Variants in PHACTR2 observed in about 807,000 individuals in gnomAD.
The protein encoded by PHACTR2 is phosphatase and actin regulator 2.
A neutral mutation model predicts 76.0 loss-of-function variants in PHACTR2; 30 were observed. That is an observed-to-expected ratio of 0.39 (90% CI 0.30 to 0.54). The LOEUF is 0.54. Among genes scored for constraint, PHACTR2 ranks in the 20% least tolerant of loss-of-function variants. The probability of loss-of-function intolerance (pLI) is 0.61; values close to 1 mark genes in which losing one functional copy is unlikely to be tolerated. For synonymous variants in PHACTR2, 292 were observed against 292.5 expected (o/e 1.00, Z 0.02); for missense variants, 696 against 781.1 (o/e 0.89, Z 1.30).
intron 1 of PHACTR2, among the ~76,000 whole-genome samples, chr6:143,560,056 G>A (rs1035082906): frequency 1.3e-5 from 2 of 152,078 alleles, no homozygotes; most frequent in Non-Finnish European, 2.9e-5. Context: ...GGGGTTATGA[G>A]GATTGTTATG....
rs1273854504 is a variant in PHACTR2, at chr6:143,595,143, G to A, written c.217+57936G>A. Reference sequence around the variant, plus strand: ...TTTAGACACCTTCATAAGGTGTGACGCATTTGATGCAAAATATAGATGGAC... The same window carrying A: ...TTTAGACACCTTCATAAGGTGTGACACATTTGATGCAAAATATAGATGGAC... On this transcript the variant is annotated intron_variant, in intron 1 of 11. Coordinates refer to the PHACTR2 transcript ENST00000367584. The surrounding 1 kb of genome is among the most constrained non-coding windows in gnomAD (Gnocchi z 4.2). Among the ~76,000 whole-genome samples, 9 of 152,128 alleles carry A rather than the reference G, an allele frequency of 5.9e-5. No homozygotes were observed. The highest frequency in any genetic ancestry group is 1.9e-4 in the African/African-American group (8 of 41,416).
rs6920187 is a variant in PHACTR2, at chr6:143,791,928, A to G, written c.1845+3018A>G. ...GCTGATGGCTTCAAATTTTCAGGGTACATTTCATCACTCCCTGCCTATCCC... is the reference window on the plus strand; with the variant it reads ...GCTGATGGCTTCAAATTTTCAGGGTGCATTTCATCACTCCCTGCCTATCCC... On this transcript the variant is annotated intron_variant, in intron 11 of 12. Transcript: ENST00000440869. The surrounding 1 kb of genome is among the most constrained non-coding windows in gnomAD (Gnocchi z 4.7). Among the ~76,000 whole-genome samples, 327 of 152,318 alleles carry G rather than the reference A, an allele frequency of 2.1e-3. 2 individuals carry two copies. Among genetic ancestry groups the G allele is most frequent in the African/African-American group, 7.4e-3 (307 of 41,586 alleles).
chr6:143,762,501 A>C (rs926329898), intron 5 of PHACTR2, among the ~76,000 whole-genome samples: 1 of 152,234 alleles, frequency 6.6e-6, no homozygotes, highest in Admixed American at 6.5e-5. Context: ...ACTTAAGTAC[A>C]CCAACAAGCC....
chr6:143,564,111 G>A (rs1775322601), intron 1 of PHACTR2, among the ~76,000 whole-genome samples: 2 of 148,800 alleles, frequency 1.3e-5, no homozygotes, highest in African/African-American at 2.5e-5. Flanking sequence ...TTAGAAAATT[G>A]TTAAACTGTT....
At chr6:143,815,994 C>G (rs913637615) in intron 12 of PHACTR2, among the ~76,000 whole-genome samples, 6 of 151,878 alleles carry the variant, frequency 4.0e-5, no homozygotes, top group Admixed American at 3.3e-4. Flanking sequence ...TATCTGAATT[C>G]CATAACTTAA....
rs553507867 is a variant in PHACTR2 at position 143,592,048 on chromosome 6, C to T, written c.217+54841C>T. Among the ~76,000 whole-genome samples, 4 of 152,188 alleles carry T rather than the reference C, an allele frequency of 2.6e-5. No homozygotes were observed. The highest frequency in any genetic ancestry group is 5.9e-5 in the Non-Finnish European group (4 of 68,032). On this transcript the variant is annotated intron_variant, in intron 1 of 11. Transcript: ENST00000367584. The surrounding 1 kb of genome is among the most constrained non-coding windows in gnomAD (Gnocchi z 4.0). The stretch of plus-strand genomic sequence containing the variant: ...TATGAGAGGTGCATGCAGACTCTGA[C>T]ACAATGGGACAGACCTGGTGGTGCT...
At chr6:143,717,936 C>A (rs1409593255) in intron 2 of PHACTR2, among the ~76,000 whole-genome samples, 2 of 152,018 alleles carry the variant, frequency 1.3e-5, no homozygotes, top group Non-Finnish European at 2.9e-5. Flanking sequence ...AAAATACTAA[C>A]AAAACATGTA....
rs1775661505 is a variant in PHACTR2, at chr6:143,589,241, G to T, written c.217+52034G>T. ...TGTCCAGTTGTAATCTCCAGTGTTG[G>T]AGGAGGGGTCTGGTGGGAGGTGATT... On this transcript the variant is annotated intron_variant, in intron 1 of 11. Coordinates refer to the PHACTR2 transcript ENST00000367584. This position sits in a 1 kb window ranked among gnomAD's most constrained non-coding sequence, Gnocchi z 4.4. 6.6e-6 allele frequency among the ~76,000 whole-genome samples: 1 copy of T among 152,208 alleles called. No individual in the cohort carries two copies. The highest frequency in any genetic ancestry group is 1.5e-5 in the Non-Finnish European group (1 of 68,038).
intron 2 of PHACTR2, among the ~76,000 whole-genome samples, chr6:143,726,067 T>C (rs1778562192): frequency 6.6e-6 from 1 of 152,254 alleles, no homozygotes; most frequent in South Asian, 2.1e-4. Flanking sequence ...ATAAACATTC[T>C]TGTGTACATT....
In PHACTR2 at chr6:143,743,980, C is replaced by T. The variant is rs1375399101; in HGVS notation, c.215-5005C>T. On this transcript the variant is annotated intron_variant, in intron 2 of 12. Coordinates refer to ENST00000440869, the MANE Select transcript of PHACTR2 (RefSeq NM_001100164.2). The surrounding 1 kb of genome is among the most constrained non-coding windows in gnomAD (Gnocchi z 5.0). ...AAAAAGCCAGCGGCATATGCTCCAG[C>T]CTCTTTTCCTGAGTGCAGCTCCACA... 2.0e-5 allele frequency among the ~76,000 whole-genome samples: 3 copies of T among 152,202 alleles called. No individual in the cohort carries two copies. Among genetic ancestry groups the T allele is most frequent in the African/African-American group, 7.2e-5 (3 of 41,434 alleles).
rs938581733 is a variant in PHACTR2, at chr6:143,754,182, T to A, written c.454+270T>A. 1.4e-5 allele frequency: 3 copies of A among 216,640 alleles called. No individual in the cohort carries two copies. The highest frequency in any genetic ancestry group is 6.9e-5 in the African/African-American group (3 of 43,534). The allele number at this position is 216,640 out of a possible 1,614,324, so 13.4% of individuals were successfully genotyped here. A position where few individuals can be genotyped will look rare whatever the true frequency, so the allele number is the denominator to read the frequency against. ...TCAGAAGGGGTGGCCTCTTTAATCA[T>A]TAGAGATGTCTGGGAAGATTATCCT... On this transcript the variant is annotated intron_variant, in intron 4 of 12. Transcript: ENST00000440869. The surrounding 1 kb of genome is among the most constrained non-coding windows in gnomAD (Gnocchi z 6.2).
Position 143,772,394 on chromosome 6 carries a change from G to T in PHACTR2, c.1369G>T (p.Asp457Tyr). Residue 457 changes from aspartate to tyrosine, a missense_variant, in exon 7 of 13, where the codon GAC (aspartate) becomes TAC (tyrosine). Physicochemically the swap from Asp to Tyr is radical, Grantham distance 160. Coordinates refer to ENST00000440869, the MANE Select transcript of PHACTR2 (RefSeq NM_001100164.2). This position sits in a 1 kb window ranked among gnomAD's most constrained non-coding sequence, Gnocchi z 5.4. ...REYQANDSDS[D>Y]GPILYTDDED... ...ATACCAAGCCAATGACTCTGACTCG[G>T]ACGGGCCTATCTTGTACACCGATGA... The T allele has an allele frequency of 1.9e-6, 3 of 1,614,182 alleles. No homozygotes were observed. Among genetic ancestry groups the T allele is most frequent in the Non-Finnish European group, 2.5e-6 (3 of 1,180,014 alleles).
intron 1 of PHACTR2, among the ~76,000 whole-genome samples, chr6:143,701,620 G>T (rs1211018108): frequency 6.6e-6 from 1 of 152,136 alleles, no homozygotes; most frequent in Non-Finnish European, 1.5e-5. Flanking sequence ...TTTGTACAGG[G>T]AATACTTGGG....
At chr6:143,716,401 C>T (rs1778301718) in intron 2 of PHACTR2, among the ~76,000 whole-genome samples, 1 of 152,184 alleles carries the variant, frequency 6.6e-6, no homozygotes, top group South Asian at 2.1e-4. Flanking sequence ...TCACAGCTCA[C>T]TGCAGCCTCA....
At chr6:143,573,515 A>T (rs1775472077) in intron 1 of PHACTR2, among the ~76,000 whole-genome samples, 1 of 152,206 alleles carries the variant, frequency 6.6e-6, no homozygotes, top group Non-Finnish European at 1.5e-5. Context: ...GGATGCAATT[A>T]AGCCTGAGGC....
rs1778961710 is a variant in PHACTR2, at chr6:143,742,235, A to G, written c.215-6750A>G. 6.6e-6 allele frequency among the ~76,000 whole-genome samples: 1 copy of G among 152,212 alleles called. No homozygotes were observed. The highest frequency in any genetic ancestry group is 2.1e-4 in the South Asian group (1 of 4,828). On this transcript the variant is annotated intron_variant, in intron 2 of 12. Coordinates refer to ENST00000440869, the MANE Select transcript of PHACTR2 (RefSeq NM_001100164.2). This position sits in a 1 kb window ranked among gnomAD's most constrained non-coding sequence, Gnocchi z 4.5. ...TCATGTAACTGAAAAATCCAGGGGC[A>G]GAAAACCTTCAGGCGTGGTTGGATC...
chr6:143,825,725 C>A lies in PHACTR2; in HGVS notation c.*2036C>A, dbSNP rs1348099497. ...ATAATGTTTCTTTTAATTGTCTATG[C>A]TTAATCATCTTTAAACACTTTTTAA... On this transcript the variant is annotated 3_prime_UTR_variant, in exon 13 of 13. Coordinates refer to ENST00000440869, the MANE Select transcript of PHACTR2 (RefSeq NM_001100164.2). The surrounding 1 kb of genome is among the most constrained non-coding windows in gnomAD (Gnocchi z 4.1). 1 of 151,808 alleles carries A rather than the reference C, an allele frequency of 6.6e-6. No homozygotes were observed. Among genetic ancestry groups the A allele is most frequent in the Admixed American group, 6.6e-5 (1 of 15,236 alleles). 9.4% of individuals were successfully genotyped at this position (151,808 alleles called of 1,614,324 possible).
intron 1 of PHACTR2, among the ~76,000 whole-genome samples, chr6:143,576,432 A>G (rs1383689199): frequency 2.0e-5 from 3 of 152,268 alleles, no homozygotes; most frequent in African/African-American, 2.4e-5. Flanking sequence ...AAAAAGTTTA[A>G]CAGATTTTAC....
At position 143,760,486 on chromosome 6, in the gene PHACTR2, C is replaced by CA. The variant is rs762386860; in HGVS notation, c.546dup (p.Ser183IlefsTer17). ...CTAAGCCTAGACCCAAACCTAAACC[C>CA]AAAAAATCACCTGTGCCTCCGAAAG... On this transcript the variant is annotated frameshift_variant, in exon 5 of 13. Transcript: ENST00000440869. LOFTEE classifies it high-confidence loss of function. The surrounding 1 kb of genome is among the most constrained non-coding windows in gnomAD (Gnocchi z 6.4). The CA allele has an allele frequency of 2.5e-6, 4 of 1,613,862 alleles. No homozygotes were observed. The highest frequency in any genetic ancestry group is 2.2e-5 in the East Asian group (1 of 44,878).
Sources: gnomAD v4.1 joint callset for allele counts (sites outside exome capture counted in the v4.1 genomes callset) on GRCh38, gnomAD v4.1.1 for gene constraint, Gnocchi (gnomAD v3.1) non-coding constraint, MANE v1.5 for transcripts, NCBI Gene and HGNC (gene_info 2026-07-23, HGNC 2026-07-21) for gene names.